The following KSR1 variants were observed in gnomAD, a reference collection of about 807,000 sequenced individuals.
KSR1 encodes the protein kinase suppressor of ras.
Under a neutral mutation model 92.9 loss-of-function variants are expected in KSR1, and 35 were observed. The observed-to-expected ratio is 0.38, with a 90% CI of 0.29 to 0.50. KSR1 has a LOEUF of 0.50. KSR1 is among the 20% of genes least tolerant of loss of function. The probability of loss-of-function intolerance (pLI) is 0.94; values close to 1 mark genes in which losing one functional copy is unlikely to be tolerated. For missense variants in KSR1, 972 were observed against 1,158.5 expected (o/e 0.84, Z 2.34); for synonymous variants, 467 against 472.6 (o/e 0.99, Z 0.15).
At chr17:27,490,832 A>G (rs2068800016) in intron 1 of KSR1, among the ~76,000 whole-genome samples, 1 of 152,188 alleles carries the variant, frequency 6.6e-6, no homozygotes, top group African/African-American at 2.4e-5. Flanking sequence ...GTACACATAC[A>G]AGCATAAGTA....
Position 27,559,964 on chromosome 17 carries a change from T to C in KSR1, c.372+9256T>C, listed in dbSNP as rs1235815333. Among the ~76,000 whole-genome samples, 2 of 152,210 alleles carry C rather than the reference T, an allele frequency of 1.3e-5. No homozygotes were observed. The highest frequency in any genetic ancestry group is 1.5e-5 in the Non-Finnish European group (1 of 68,034). On this transcript the variant is annotated intron_variant, in intron 2 of 20. Coordinates refer to ENST00000644974, the MANE Select transcript of KSR1 (RefSeq NM_001394583.1). The surrounding 1 kb of genome is among the most constrained non-coding windows in gnomAD (Gnocchi z 4.2). Reference sequence around the variant, plus strand: ...GTGAGAGAGGGGCAGGAATTCCAAATGAACATTAGAATTGTTTAAAGGAAA... The same window carrying C: ...GTGAGAGAGGGGCAGGAATTCCAAACGAACATTAGAATTGTTTAAAGGAAA...
At chr17:27,603,942 G>A in intron 12 of KSR1, 54 bp downstream of exon 12, 1 of 1,568,878 alleles carries the variant, frequency 6.4e-7, no homozygotes, top group African/African-American at 1.3e-5. Context: ...TATTAAGGCT[G>A]GATCCATATC....
chr17:27,503,802 T>TG (rs776080062), intron 1 of KSR1, among the ~76,000 whole-genome samples: 1 of 152,178 alleles, frequency 6.6e-6, no homozygotes, highest in East Asian at 1.9e-4. Context: ...TCCTAGATGG[T>TG]GGAGGCGCCG....
chr17:27,569,792 T>C (rs1243274967), intron 2 of KSR1, among the ~76,000 whole-genome samples: 2 of 152,252 alleles, frequency 1.3e-5, no homozygotes. Context: ...CCCACAAAGC[T>C]GAAGAGACTC....
Position 27,617,316 on chromosome 17 carries a change from G to A in KSR1, c.2515G>A (p.Ala839Thr), listed in dbSNP as rs757784944. 3 of 1,610,082 alleles carry A rather than the reference G, an allele frequency of 1.9e-6. No individual in the cohort carries two copies. The highest frequency in any genetic ancestry group is 2.5e-6 in the Non-Finnish European group (3 of 1,177,534). The change falls in exon 19 of 21, where the codon GCT becomes ACT. Residue 839 changes from alanine (A) to threonine (T), a missense_variant. By Grantham distance (58) the Ala-to-Thr change is moderately conservative. This residue lies in a region of KSR1 where 260 missense variants were observed against 375.2 expected (regional missense o/e 0.69). Transcript: ENST00000644974. ...GCAGGAGATCCTGTCGGCCTGCTGG[G>A]CTTTCGACCTGCAGGAGAGACCCAG... ...EVSEILSACWAFDLQERPSFS... is the reference protein window; with the variant it reads ...EVSEILSACWTFDLQERPSFS...
At position 27,577,515 on chromosome 17, in the gene KSR1, G is replaced by A; in HGVS notation, c.396G>A (p.Leu132=). The A allele has an allele frequency of 1.3e-6, 2 of 1,593,636 alleles. No homozygotes were observed. Among genetic ancestry groups the A allele is most frequent in the Non-Finnish European group, 1.7e-6 (2 of 1,172,666 alleles). Residue 132 remains leucine (L), a synonymous_variant, in exon 3 of 21, where the codon CTG becomes CTA. Transcript: ENST00000644974. This position sits in a 1 kb window ranked among gnomAD's most constrained non-coding sequence, Gnocchi z 4.5. ...AGGAGATCCCCCGAGACCTCACGCT[G>A]GATGCCCTGCTGGAGATGAATGAGG... is the stretch of plus-strand genomic sequence containing the variant. ...VVQEIPRDLT[L]DALLEMNEAK... is the part of the protein sequence containing the mutation.
chr17:27,526,089 T>TC (rs2070279989), intron 1 of KSR1, among the ~76,000 whole-genome samples: 3 of 98,470 alleles, frequency 3.0e-5, no homozygotes, highest in African/African-American at 4.6e-5. Context: ...TCTTTCTTTC[T>TC]TTCTTTCTCT....
rs966342246 is a variant in KSR1, at chr17:27,529,284, TA to T, written c.232-21273del. Reference sequence around the variant, plus strand: ...ATTAAGTACACTGTTAAAAGGGACTTAAAAAAAAAAAGTTGCCTCATAGTGT... The same window carrying T: ...ATTAAGTACACTGTTAAAAGGGACTTAAAAAAAAAAGTTGCCTCATAGTGT... On this transcript the variant is annotated intron_variant, in intron 1 of 20. Transcript: ENST00000644974. Among the ~76,000 whole-genome samples, 290 of 148,022 alleles carry T rather than the reference TA, an allele frequency of 2.0e-3. 1 individual carries two copies. The highest frequency in any genetic ancestry group is 6.1e-3 in the African/African-American group (250 of 40,654).
intron 2 of KSR1, among the ~76,000 whole-genome samples, chr17:27,552,357 C>T (rs1244726673): frequency 1.3e-5 from 2 of 152,158 alleles, no homozygotes; most frequent in Admixed American, 6.5e-5. Context: ...TTGGTTGCGA[C>T]AGATATAAAA....
intron 1 of KSR1, among the ~76,000 whole-genome samples, chr17:27,499,228 T>C (rs2069094625): frequency 6.6e-6 from 1 of 152,160 alleles, no homozygotes; most frequent in Non-Finnish European, 1.5e-5. Flanking sequence ...GTTGGGCCCC[T>C]GGGCAGCAAG....
chr17:27,573,740 G>A (rs1195793040), intron 2 of KSR1, among the ~76,000 whole-genome samples: 2 of 152,206 alleles, frequency 1.3e-5, no homozygotes, highest in Admixed American at 6.5e-5. Context: ...TCGTGCGCAC[G>A]TGGGTTTCAA....
chr17:27,474,163 A>ATTAG (rs1313974678), intron 1 of KSR1, among the ~76,000 whole-genome samples: 2 of 152,180 alleles, frequency 1.3e-5, no homozygotes, highest in Non-Finnish European at 2.9e-5. Flanking sequence ...CAAGCATCTA[A>ATTAG]CAGCTTAGGC....
chr17:27,486,455 C>T (rs574120937), intron 1 of KSR1, among the ~76,000 whole-genome samples: 1 of 152,292 alleles, frequency 6.6e-6, no homozygotes, highest in African/African-American at 2.4e-5. Flanking sequence ...AGTGGGCTTG[C>T]TTGGCATCAG....
chr17:27,580,942 T>G (rs1287277741), intron 3 of KSR1, among the ~76,000 whole-genome samples: 1 of 152,170 alleles, frequency 6.6e-6, no homozygotes, highest in Non-Finnish European at 1.5e-5. Flanking sequence ...AATTTTTGTA[T>G]TTTTAGTAGA....
At chr17:27,494,782 C>G (rs1193385890) in intron 1 of KSR1, among the ~76,000 whole-genome samples, 1 of 152,238 alleles carries the variant, frequency 6.6e-6, no homozygotes, top group Non-Finnish European at 1.5e-5. Flanking sequence ...AGAATGAAAG[C>G]TTCTCTGAGA....
Position 27,559,158 on chromosome 17 carries a change from T to C in KSR1, c.372+8450T>C, listed in dbSNP as rs761154758. ...ACTAGAGGAAGAGAGGGGATAGACA[T>C]GGATGTGGTCACACAGTACGGCAGC... is the stretch of plus-strand genomic sequence containing the variant. On this transcript the variant is annotated intron_variant, in intron 2 of 20. Transcript: ENST00000644974. The surrounding 1 kb of genome is among the most constrained non-coding windows in gnomAD (Gnocchi z 4.2). Among the ~76,000 whole-genome samples, 9 of 152,208 alleles carry C rather than the reference T, an allele frequency of 5.9e-5. No homozygotes were observed. The highest frequency in any genetic ancestry group is 1.2e-4 in the Non-Finnish European group (8 of 68,034).
chr17:27,611,100 A>G (rs1465430497), intron 17 of KSR1, among the ~76,000 whole-genome samples: 1 of 152,094 alleles, frequency 6.6e-6, no homozygotes, highest in East Asian at 1.9e-4. Flanking sequence ...TTTCCTGAGC[A>G]CCCATGTGTG....
At chr17:27,603,510 G>T (rs2073639912) in intron 11 of KSR1, among the ~76,000 whole-genome samples, 1 of 152,238 alleles carries the variant, frequency 6.6e-6, no homozygotes, top group Admixed American at 6.5e-5. Context: ...CACTTGCTTG[G>T]TGGGGGGCAG....
rs868014526 is a variant in KSR1 at position 27,461,869 on chromosome 17, G to T, written c.231+4995G>T. On this transcript the variant is annotated intron_variant, in intron 1 of 20. Coordinates refer to ENST00000644974, the MANE Select transcript of KSR1 (RefSeq NM_001394583.1). ...GCAGGTATTCTACTCCTGCCCGCTG[G>T]GTGTGTCTGGAGATGGACCATGCGG... Among the ~76,000 whole-genome samples the T allele has an allele frequency of 1.3e-5, 2 of 152,354 alleles. 1 individual carries two copies. The highest frequency in any genetic ancestry group is 6.8e-3 in the Middle Eastern group (2 of 294).
Sources: allele counts gnomAD v4.1 joint callset (sites outside exome capture counted in the v4.1 genomes callset), GRCh38; gene constraint gnomAD v4.1.1; regional missense constraint gnomAD v4.1.1; non-coding constraint Gnocchi (gnomAD v3.1); transcripts MANE v1.5; gene names NCBI Gene and HGNC (gene_info 2026-07-23, HGNC 2026-07-21).